Variants in PRH1 observed in about 807,000 individuals in gnomAD.
PRH1 encodes the protein salivary acidic proline-rich phosphoprotein 1/2.
PRH1 carries 7 observed loss-of-function variants against 7.9 expected under a neutral mutation model. The observed-to-expected ratio is 0.89, with a 90% CI of 0.50 to 1.67. PRH1 has a LOEUF of 1.67. Ranked by LOEUF, PRH1 falls within the 40% of genes most tolerant of loss-of-function variation. PRH1 has a pLI of 0.00. For missense variants in PRH1, 109 were observed against 223.6 expected, an observed-to-expected ratio of 0.49 and a Z score of 3.27; for synonymous variants, 45 against 80.8, an observed-to-expected ratio of 0.56 and a Z score of 2.38.
At chr12:11,059,097 G>A (rs941313634) in intron 1 of PRH1, among the ~76,000 whole-genome samples, 1 of 152,178 alleles carries the variant, frequency 6.6e-6, no homozygotes, top group African/African-American at 2.4e-5. Context: ...TTCTGCCTCA[G>A]GGAAACAATG....
intron 2 of PRH1, among the ~76,000 whole-genome samples, chr12:10,957,897 A>G (rs1938052870): frequency 6.6e-6 from 1 of 152,194 alleles, no homozygotes; most frequent in Non-Finnish European, 1.5e-5. Flanking sequence ...CTATTACTAA[A>G]ACCCCCAAAA....
intron 1 of PRH1, among the ~76,000 whole-genome samples, chr12:11,123,438 A>G (rs2600369): frequency 0.45 from 68,020 of 151,066 alleles, 15,846 homozygotes; most frequent in Non-Finnish European, 0.52. Flanking sequence ...CTGTCACTTT[A>G]TCTCCAGTCT....
In PRH1 at chr12:10,952,242, T is replaced by C. The variant is rs546043515; in HGVS notation, c.-59+21413A>G. Among the ~76,000 whole-genome samples the C allele has an allele frequency of 8.2e-4, 125 of 152,342 alleles. 1 individual carries two copies. The highest frequency in any genetic ancestry group is 6.5e-4 in the Admixed American group (10 of 15,302). ...GGTTCAAGAAAGCAAGATGTCCTTCTGCAACAACTAGCATAAGATAAATAA... is the reference window on the plus strand; with the variant it reads ...GGTTCAAGAAAGCAAGATGTCCTTCCGCAACAACTAGCATAAGATAAATAA... On this transcript the variant is annotated intron_variant, in intron 2 of 3. Coordinates refer to the PRH1 transcript ENST00000539853.
intron 1 of PRH1, among the ~76,000 whole-genome samples, chr12:11,027,759 C>G (rs1941991647): frequency 6.6e-6 from 1 of 152,188 alleles, no homozygotes; most frequent in Non-Finnish European, 1.5e-5. Flanking sequence ...CATTATAGGA[C>G]TCTGTGCATG....
At chr12:10,920,435 ATTATAG>A (rs1471110287) in intron 2 of PRH1, among the ~76,000 whole-genome samples, 1 of 152,162 alleles carries the variant, frequency 6.6e-6, no homozygotes, top group African/African-American at 2.4e-5. Flanking sequence ...TCACTAAAGT[ATTATAG>A]TTATGTAATT....
intron 1 of PRH1, among the ~76,000 whole-genome samples, chr12:11,070,728 G>A (rs1944026791): frequency 6.8e-6 from 1 of 146,606 alleles, no homozygotes; most frequent in Non-Finnish European, 1.5e-5. Flanking sequence ...GGCCACCCCA[G>A]CAGAGCCTGA....
chr12:11,040,645 C>G (rs944210305), intron 1 of PRH1, among the ~76,000 whole-genome samples: 13 of 152,148 alleles, frequency 8.5e-5, no homozygotes, highest in African/African-American at 3.1e-4. Flanking sequence ...ACCACCATGG[C>G]ACATGTATAC....
At chr12:11,168,303 G>GAAAGAAA (rs1947680993) in intron 1 of PRH1, among the ~76,000 whole-genome samples, 1 of 15,136 alleles carries the variant, frequency 6.6e-5, no homozygotes, top group African/African-American at 1.0e-4. Context: ...AAAGAAAGAA[G>GAAAGAAA]GAAGGAAGGA....
chr12:11,066,075 TA>T (rs1943796789), intron 1 of PRH1, among the ~76,000 whole-genome samples: 1 of 151,812 alleles, frequency 6.6e-6, no homozygotes, highest in Non-Finnish European at 1.5e-5. Context: ...TAACAATCTT[TA>T]AAAGATCAAA....
At chr12:11,065,858 T>C (rs1434733123) in intron 1 of PRH1, among the ~76,000 whole-genome samples, 3 of 152,188 alleles carry the variant, frequency 2.0e-5, no homozygotes, top group Non-Finnish European at 4.4e-5. Flanking sequence ...TGATTTGATG[T>C]GAGTAGCTTT....
At chr12:11,139,278 T>C (rs1162529119) in intron 1 of PRH1, among the ~76,000 whole-genome samples, 6 of 152,130 alleles carry the variant, frequency 3.9e-5, no homozygotes, top group African/African-American at 1.4e-4. Flanking sequence ...AACATTAACA[T>C]TGATGTTACC....
chr12:11,159,230 T>C (rs1024394825), intron 1 of PRH1: 1 of 151,804 alleles, frequency 6.6e-6, no homozygotes, highest in Non-Finnish European at 1.5e-5. Context: ...CATGTTTTTT[T>C]CACAACTCAC....
At chr12:11,013,626 A>C (rs1373542093) in intron 1 of PRH1, among the ~76,000 whole-genome samples, 2 of 152,144 alleles carry the variant, frequency 1.3e-5, no homozygotes, top group Admixed American at 1.3e-4. Flanking sequence ...CTGCCTATCA[A>C]TCTATTGATA....
chr12:10,944,495 A>G (rs116490554), intron 2 of PRH1, among the ~76,000 whole-genome samples: 3,005 of 152,250 alleles, frequency 0.02, 33 homozygotes, highest in South Asian at 0.031. Flanking sequence ...TAGATAGAGA[A>G]TATGTCAACT....
At chr12:10,910,134 T>C (rs1323780027) in intron 2 of PRH1, among the ~76,000 whole-genome samples, 2 of 152,152 alleles carry the variant, frequency 1.3e-5, no homozygotes, top group African/African-American at 4.8e-5. Context: ...GATACACTAG[T>C]TCCCCTTATC....
intron 1 of PRH1, among the ~76,000 whole-genome samples, chr12:11,112,388 G>A (rs1023778033): frequency 5.9e-5 from 9 of 151,950 alleles, no homozygotes; most frequent in Non-Finnish European, 2.9e-5. Flanking sequence ...GATGAACATC[G>A]ATGCGAAAAT....
At position 11,062,024 on chromosome 12, in the gene PRH1, T is replaced by C. The variant is rs1238909894; in HGVS notation, n.124-14836A>G. 1 of 1,613,752 alleles carries C rather than the reference T, an allele frequency of 6.2e-7. No individual in the cohort carries two copies. On this transcript the variant is annotated intron_variant and non_coding_transcript_variant, in intron 1 of 4. Coordinates refer to the PRH1 transcript ENST00000541977. ...GCAAGCCAGTTGCTGAAATGGTTGA[T>C]TACTGCCCAGACATTGTAAGCAGTA...
chr12:11,039,728 A>G (rs1942623682), intron 1 of PRH1, among the ~76,000 whole-genome samples: 4 of 152,244 alleles, frequency 2.6e-5, no homozygotes, highest in African/African-American at 7.2e-5. Flanking sequence ...TTTTCTTGGG[A>G]ACCTCAGAAA....
chr12:10,956,978 C>T (rs1351918705), intron 2 of PRH1, among the ~76,000 whole-genome samples: 3 of 151,770 alleles, frequency 2.0e-5, no homozygotes, highest in South Asian at 2.1e-4. Flanking sequence ...GTTTAAATGC[C>T]CATACTGCCC....
Sources: allele counts gnomAD v4.1 joint callset (sites outside exome capture counted in the v4.1 genomes callset), GRCh38; gene constraint gnomAD v4.1.1; transcripts MANE v1.5; gene names NCBI Gene and HGNC (gene_info 2026-07-23, HGNC 2026-07-21).